The following OPRL1 variants were observed in gnomAD, a reference collection of about 807,000 sequenced individuals.
The protein encoded by OPRL1 is nociceptin receptor.
OPRL1 carries 5 observed loss-of-function variants against 15.5 expected under a neutral mutation model. The ratio of observed to expected loss-of-function variants is 0.32; its 90% CI spans 0.17 to 0.68. The LOEUF (loss-of-function observed/expected upper bound fraction) is 0.68. Among genes scored for constraint, OPRL1 ranks in the 30% least tolerant of loss-of-function variants. OPRL1 has a pLI of 0.72. For synonymous variants in OPRL1, 223 were observed against 230.2 expected (o/e 0.97, Z 0.28); for missense variants, 406 against 515.3 (o/e 0.79, Z 2.05).
At position 64,088,734 on chromosome 20, in the gene OPRL1, G is replaced by GAGT. The variant is rs1411930057; in HGVS notation, c.-184-3232_-184-3231insAGT. ...TGCAGAGTGGCCAGGATCTGTGCAA[G>GAGT]GGGTAGGATCTGTGCAGAGTGGCCA... On this transcript the variant is annotated intron_variant, in intron 1 of 4. Coordinates refer to ENST00000336866, the MANE Select transcript of OPRL1 (RefSeq NM_182647.4). Among the ~76,000 whole-genome samples, 25 of 8,378 alleles carry GAGT rather than the reference G, an allele frequency of 3.0e-3. 4 individuals are homozygous for GAGT. The highest frequency in any genetic ancestry group is 7.0e-3 in the East Asian group (2 of 286). 5.5% of individuals were successfully genotyped at this position (8,378 alleles called of 152,430 possible).
Position 64,097,963 on chromosome 20 carries a change from A to G in OPRL1, c.395A>G (p.Tyr132Cys). The change falls in exon 4 of 5, where the codon TAC becomes TGC. Residue 132 changes from tyrosine to cysteine, a missense_variant. By Grantham distance (194) the Tyr-to-Cys change is radical. Transcript: ENST00000336866. The surrounding 1 kb of genome is among the most constrained non-coding windows in gnomAD (Gnocchi z 4.2). ...AAGACAGTCATTGCCATTGACTACT[A>G]CAACATGTTCACCAGCACCTTCACC... ...LCKTVIAIDY[Y>C]NMFTSTFTLT... 6.2e-7 allele frequency: 1 copy of G among 1,613,602 alleles called. No homozygotes were observed. The highest frequency in any genetic ancestry group is 8.5e-7 in the Non-Finnish European group (1 of 1,180,012).
At chr20:64,084,358 A>T in intron 1 of OPRL1, 2 of 1,281,448 alleles carry the variant, frequency 1.6e-6, no homozygotes, top group Non-Finnish European at 2.0e-6. Context: ...TGAGTTCCGC[A>T]CCCCCAGCCT....
chr20:64,081,272 A>C (rs2059964298), intron 1 of OPRL1, among the ~76,000 whole-genome samples: 1 of 152,216 alleles, frequency 6.6e-6, no homozygotes, highest in African/African-American at 2.4e-5. Context: ...GCCCACAGGG[A>C]CAAGAGGCAG....
In OPRL1 at chr20:64,098,825, C is replaced by T; in HGVS notation, c.*26C>T. The T allele has an allele frequency of 3.2e-6, 5 of 1,564,932 alleles. No homozygotes were observed. The highest frequency in any genetic ancestry group is 4.3e-6 in the Non-Finnish European group (5 of 1,161,452). The stretch of plus-strand genomic sequence containing the variant: ...CTAGGCGTGGACCTGCCCATGGTGC[C>T]TGTCAGCCCGCAGAGCCCATCTACG... On this transcript the variant is annotated 3_prime_UTR_variant, in exon 5 of 5. Coordinates refer to ENST00000336866, the MANE Select transcript of OPRL1 (RefSeq NM_182647.4).
intron 3 of OPRL1, among the ~76,000 whole-genome samples, chr20:64,096,662 G>C (rs1433085153): frequency 2.6e-5 from 4 of 151,882 alleles, no homozygotes; most frequent in Non-Finnish European, 4.4e-5. Flanking sequence ...GTCATCTTGG[G>C]TGCTGCTGCC....
rs531259764 is a variant in OPRL1, at chr20:64,089,843, G to A, written c.-184-2123G>A. On this transcript the variant is annotated intron_variant, in intron 1 of 4. Transcript: ENST00000336866. The surrounding 1 kb of genome is among the most constrained non-coding windows in gnomAD (Gnocchi z 5.5). Reference sequence around the variant, plus strand: ...CAGTGCCCAGGCTGGGTCCCAGGCTGGGAGGCAGGCTCAGGAAGCTCGGGT... The same window carrying A: ...CAGTGCCCAGGCTGGGTCCCAGGCTAGGAGGCAGGCTCAGGAAGCTCGGGT... Among the ~76,000 whole-genome samples the A allele has an allele frequency of 5.8e-4, 89 of 152,298 alleles. No individual in the cohort carries two copies. The highest frequency in any genetic ancestry group is 2.0e-3 in the African/African-American group (82 of 41,562).
chr20:64,083,732 C>T lies in OPRL1; in HGVS notation c.-185+3380C>T. The stretch of plus-strand genomic sequence containing the variant: ...TGCGGGGCCCGGGTAGCTGAGCGCG[C>T]GCCGAGCCCCGCCCCGCCCCGCCCC... On this transcript the variant is annotated intron_variant, in intron 1 of 4. Coordinates refer to ENST00000336866, the MANE Select transcript of OPRL1 (RefSeq NM_182647.4). This position sits in a 1 kb window ranked among gnomAD's most constrained non-coding sequence, Gnocchi z 4.9. The T allele has an allele frequency of 7.4e-7, 1 of 1,348,470 alleles. No individual in the cohort carries two copies. Among genetic ancestry groups the T allele is most frequent in the Non-Finnish European group, 9.5e-7 (1 of 1,057,158 alleles). 83.5% of individuals were successfully genotyped at this position (1,348,470 alleles called of 1,614,324 possible). A position where few individuals can be genotyped will look rare whatever the true frequency, so the allele number is the denominator to read the frequency against.
chr20:64,093,094 G>A, intron 3 of OPRL1, 141 bp downstream of exon 3: 1 of 798,324 alleles, frequency 1.3e-6, no homozygotes, highest in Non-Finnish European at 1.9e-6. Context: ...CCCTGTCCAG[G>A]AGGCAGGGTC....
chr20:64,084,659 C>T (rs1333448262), intron 1 of OPRL1, among the ~76,000 whole-genome samples: 3 of 152,202 alleles, frequency 2.0e-5, no homozygotes, highest in African/African-American at 7.2e-5. Flanking sequence ...CCAGACAGCT[C>T]GCTCTTGCCC....
Position 64,083,440 on chromosome 20 carries a change from G to A in OPRL1, c.-185+3088G>A, listed in dbSNP as rs1033871743. 2 of 1,610,934 alleles carry A rather than the reference G, an allele frequency of 1.2e-6. No homozygotes were observed. The highest frequency in any genetic ancestry group is 8.5e-7 in the Non-Finnish European group (1 of 1,179,200). On this transcript the variant is annotated intron_variant, in intron 1 of 4. Transcript: ENST00000336866. This position sits in a 1 kb window ranked among gnomAD's most constrained non-coding sequence, Gnocchi z 4.9. ...TCGCACACTCTCAGTCGCCGTCACCGCGGGAAGATGGTGCCATCCACGTTC... is the reference window on the plus strand; with the variant it reads ...TCGCACACTCTCAGTCGCCGTCACCACGGGAAGATGGTGCCATCCACGTTC...
chr20:64,084,150 T>C, intron 1 of OPRL1: 1 of 1,455,982 alleles, frequency 6.9e-7, no homozygotes, highest in South Asian at 1.3e-5. Flanking sequence ...CCCTGCGCCG[T>C]GCCTGGCGCG....
Position 64,098,691 on chromosome 20 carries a change from T to C in OPRL1, c.1005T>C (p.Cys335=). 1 of 1,612,840 alleles carries C rather than the reference T, an allele frequency of 6.2e-7. No homozygotes were observed. Among genetic ancestry groups the C allele is most frequent in the Non-Finnish European group, 8.5e-7 (1 of 1,179,976 alleles). The part of the protein sequence containing the change: ...NFKACFRKFC[C]ASALRRDVQV... ...AGGCCTGCTTCCGCAAGTTCTGCTG[T>C]GCATCTGCCCTGCGCCGGGACGTGC... The change falls in exon 5 of 5, where the codon TGT becomes TGC. Residue 335 remains cysteine, a synonymous_variant. Coordinates refer to ENST00000336866, the MANE Select transcript of OPRL1 (RefSeq NM_182647.4).
intron 1 of OPRL1, among the ~76,000 whole-genome samples, chr20:64,091,591 A>C (rs1478140128): frequency 6.6e-6 from 1 of 151,532 alleles, no homozygotes; most frequent in Non-Finnish European, 1.5e-5. Context: ...GGGTGGGGGC[A>C]TTTCGGTGTG....
At position 64,083,733 on chromosome 20, in the gene OPRL1, G is replaced by C. The variant is rs999845574; in HGVS notation, c.-185+3381G>C. ...GCGGGGCCCGGGTAGCTGAGCGCGC[G>C]CCGAGCCCCGCCCCGCCCCGCCCCG... On this transcript the variant is annotated intron_variant, in intron 1 of 4. Transcript: ENST00000336866. This position sits in a 1 kb window ranked among gnomAD's most constrained non-coding sequence, Gnocchi z 4.9. The C allele has an allele frequency of 2.2e-6, 3 of 1,348,214 alleles. No individual in the cohort carries two copies. The highest frequency in any genetic ancestry group is 1.5e-5 in the African/African-American group (1 of 64,938). 83.5% of individuals were successfully genotyped at this position (1,348,214 alleles called of 1,614,324 possible). A position where few individuals can be genotyped will look rare whatever the true frequency, so the allele number is the denominator to read the frequency against.
chr20:64,081,960 T>C (rs1569267147), intron 1 of OPRL1, among the ~76,000 whole-genome samples: 1 of 152,174 alleles, frequency 6.6e-6, no homozygotes, highest in Non-Finnish European at 1.5e-5. Flanking sequence ...CTTGCTGCTG[T>C]GGGGTACTGC....
chr20:64,092,704 A>G lies in OPRL1; in HGVS notation c.-17A>G. The stretch of plus-strand genomic sequence containing the variant: ...CTGTCCCAGGTACCGTACAGAGTGG[A>G]TTTGCAGGGCAGTGGCATGGAGCCC... On this transcript the variant is annotated 5_prime_UTR_variant, in exon 3 of 5. Transcript: ENST00000336866. The G allele has an allele frequency of 1.9e-6, 3 of 1,608,362 alleles. No individual in the cohort carries two copies. The highest frequency in any genetic ancestry group is 1.1e-5 in the South Asian group (1 of 90,648).
chr20:64,098,324 C>G lies in OPRL1; in HGVS notation c.638C>G (p.Pro213Arg). The G allele has an allele frequency of 6.2e-7, 1 of 1,613,926 alleles. No homozygotes were observed. Among genetic ancestry groups the G allele is most frequent in the Non-Finnish European group, 8.5e-7 (1 of 1,179,972 alleles). Residue 213 changes from proline (P) to arginine (R), a missense_variant, in exon 5 of 5, where the codon CCG (proline) becomes CGG (arginine). Transcript: ENST00000336866. ...EIPTPQDYWG[P>R]VFAICIFLFS... ...CCTACCCCTCAGGATTACTGGGGCC[C>G]GGTGTTTGCCATCTGCATCTTCCTC... is the stretch of plus-strand genomic sequence containing the variant.
rs1294080189 is a variant in OPRL1 at position 64,080,321 on chromosome 20, A to G, written c.-216A>G. The G allele has an allele frequency of 6.6e-6, 1 of 152,248 alleles. No individual in the cohort carries two copies. Among genetic ancestry groups the G allele is most frequent in the Non-Finnish European group, 1.5e-5 (1 of 68,058 alleles). The allele number at this position is 152,248 out of a possible 1,614,324, so 9.4% of individuals were successfully genotyped here. On this transcript the variant is annotated 5_prime_UTR_variant, in exon 1 of 5. Transcript: ENST00000336866. ...ATATGCTGCTTGCCCAGCTTGGGAA[A>G]GAGGAGGCTGCTGCAAAGGACCGAT...
chr20:64,091,601 G>T (rs939870024), intron 1 of OPRL1, among the ~76,000 whole-genome samples: 1 of 152,058 alleles, frequency 6.6e-6, no homozygotes, highest in Non-Finnish European at 1.5e-5. Flanking sequence ...ATTTCGGTGT[G>T]CCGGGAGCCC....
Sources: allele counts gnomAD v4.1 joint callset (sites outside exome capture counted in the v4.1 genomes callset), GRCh38; gene constraint gnomAD v4.1.1; non-coding constraint Gnocchi (gnomAD v3.1); transcripts MANE v1.5; gene names NCBI Gene and HGNC (gene_info 2026-07-23, HGNC 2026-07-21).